Variants in ZNF106 observed in about 807,000 individuals in gnomAD.
The protein encoded by ZNF106 is SH3-domain binding protein 3.
In ZNF106, 67 loss-of-function variants were observed where a neutral mutation model predicts 195.1. That is an observed-to-expected ratio of 0.34 (90% CI 0.28 to 0.42). The LOEUF (loss-of-function observed/expected upper bound fraction) is 0.42, where lower values mean the gene tolerates loss of function less well. ZNF106 is among the 10% of genes least tolerant of loss of function. ZNF106 has a pLI of 1.00. For missense variants in ZNF106, 2,118 were observed against 2,304.5 expected, an observed-to-expected ratio of 0.92 and a Z score of 1.66; for synonymous variants, 784 against 818.6, an observed-to-expected ratio of 0.96 and a Z score of 0.72.
In ZNF106 at chr15:42,472,229, T is replaced by A; in HGVS notation, c.54+7A>T. 1 of 1,534,770 alleles carries A rather than the reference T, an allele frequency of 6.5e-7. No homozygotes were observed. The highest frequency in any genetic ancestry group is 1.2e-5 in the South Asian group (1 of 83,710). ...AAAGCCTCAGATTCTCCCTCTTCCA[T>A]TATTACCTTTTTTGAGCTGTACACG... On this transcript the variant is annotated splice_region_variant and intron_variant, in intron 2 of 21. Coordinates refer to ENST00000564754, the MANE Select transcript of ZNF106 (RefSeq NM_001366845.3).
At chr15:42,428,339 A>T (rs1252305963) in intron 14 of ZNF106, among the ~76,000 whole-genome samples, 1 of 152,230 alleles carries the variant, frequency 6.6e-6, no homozygotes. Flanking sequence ...TATGAAAAAT[A>T]AACATAAATT....
At chr15:42,454,740 A>T (rs555900618) in intron 4 of ZNF106, among the ~76,000 whole-genome samples, 28 of 151,876 alleles carry the variant, frequency 1.8e-4, no homozygotes, top group Middle Eastern at 3.4e-3. Context: ...AAATAAAAAA[A>T]AAAAAATTAG....
intron 1 of ZNF106, among the ~76,000 whole-genome samples, chr15:42,479,362 G>A (rs954755115): frequency 6.6e-6 from 1 of 151,628 alleles, no homozygotes; most frequent in Non-Finnish European, 1.5e-5. Flanking sequence ...CTACAAGATC[G>A]AAACTGTCTC....
chr15:42,452,294 G>A (rs936065568), intron 4 of ZNF106, among the ~76,000 whole-genome samples: 22 of 151,874 alleles, frequency 1.4e-4, no homozygotes, highest in African/African-American at 4.8e-4. Context: ...AGGCCGAGGC[G>A]GGCAGTTCAC....
intron 14 of ZNF106, among the ~76,000 whole-genome samples, chr15:42,430,664 C>T (rs1057046399): frequency 2.0e-5 from 3 of 152,080 alleles, no homozygotes; most frequent in African/African-American, 7.3e-5. Context: ...AGATTATAGG[C>T]ATGAACCACT....
At chr15:42,426,730 C>G (rs555910123) in intron 15 of ZNF106, among the ~76,000 whole-genome samples, 60 of 152,136 alleles carry the variant, frequency 3.9e-4, no homozygotes, top group African/African-American at 1.4e-3. Context: ...GATAATCTCA[C>G]GAAAGAGAAG....
At chr15:42,431,602 G>A (rs1051869341) in intron 14 of ZNF106, among the ~76,000 whole-genome samples, 13 of 151,630 alleles carry the variant, frequency 8.6e-5, no homozygotes, top group South Asian at 2.1e-4. Context: ...TTTTTGAGAC[G>A]GAGTTTACTT....
chr15:42,477,470 T>A lies in ZNF106; in HGVS notation c.-32-5149A>T, dbSNP rs145485543. 3.3e-5 allele frequency among the ~76,000 whole-genome samples: 5 copies of A among 152,344 alleles called. No homozygotes were observed. The East Asian group carries it at 9.6e-4, about 29-fold the overall frequency. The stretch of plus-strand genomic sequence containing the variant: ...CTCTAGTTTCCCATATTAACATCTT[T>A]CATTTGGCCACGTCAGTAGCTCACG... On this transcript the variant is annotated intron_variant, in intron 1 of 21. Coordinates refer to ENST00000564754, the MANE Select transcript of ZNF106 (RefSeq NM_001366845.3).
chr15:42,428,577 C>T (rs1360558867), intron 14 of ZNF106, among the ~76,000 whole-genome samples: 1 of 152,272 alleles, frequency 6.6e-6, no homozygotes, highest in East Asian at 1.9e-4. Flanking sequence ...CAAATGTCTC[C>T]TTCAAACTGG....
chr15:42,429,462 G>T lies in ZNF106; in HGVS notation c.4882-1328C>A, dbSNP rs570525699. 6.6e-4 allele frequency among the ~76,000 whole-genome samples: 100 copies of T among 151,634 alleles called. 2 individuals carry two copies. In the South Asian group the frequency reaches 0.02, roughly 30 times the overall value. ...TCAATTAAAAAAAAAAAAATTTGTT[G>T]TTGAATGATACTGAAGACCCAGGTG... is the stretch of plus-strand genomic sequence containing the variant. On this transcript the variant is annotated intron_variant, in intron 14 of 21. Coordinates refer to ENST00000564754, the MANE Select transcript of ZNF106 (RefSeq NM_001366845.3).
Position 42,451,641 on chromosome 15 carries a change from T to G in ZNF106, c.631A>C (p.Asn211His). 1.2e-6 allele frequency: 2 copies of G among 1,614,166 alleles called. No homozygotes were observed. Among genetic ancestry groups the G allele is most frequent in the Non-Finnish European group, 1.7e-6 (2 of 1,180,036 alleles). Residue 211 changes from asparagine (N) to histidine (H), a missense_variant, in exon 5 of 22, where the codon AAT becomes CAT. Transcript: ENST00000564754. Reference sequence around the variant, plus strand: ...TGATTCCAATCTACTGCTCCACTATTTGAAAGCCAACCACCTCCAGAATTA... The same window carrying G: ...TGATTCCAATCTACTGCTCCACTATGTGAAAGCCAACCACCTCCAGAATTA... ...HSNSGGGWLS[N>H]SGAVDWNHNG...
intron 14 of ZNF106, among the ~76,000 whole-genome samples, chr15:42,434,029 T>A (rs989745691): frequency 6.6e-6 from 1 of 152,134 alleles, no homozygotes; most frequent in Non-Finnish European, 1.5e-5. Flanking sequence ...TTATTTTTTA[T>A]AGAGACAGGG....
intron 18 of ZNF106, among the ~76,000 whole-genome samples, 177 bp downstream of exon 18, chr15:42,422,324 T>C (rs972323108): frequency 2.0e-5 from 3 of 151,886 alleles, no homozygotes; most frequent in African/African-American, 4.8e-5. Context: ...TCAAGTATCT[T>C]AGAGTGGTTT....
rs1322441388 is a variant in ZNF106, at chr15:42,452,681, C to CTT, written c.318-729_318-728dup. ...AAGTATATTTTATAGCTATAGTTAT[C>CTT]TTTTTTTTTTTTTTTTTTTTTTGAG... On this transcript the variant is annotated intron_variant, in intron 4 of 21. Coordinates refer to ENST00000564754, the MANE Select transcript of ZNF106 (RefSeq NM_001366845.3). 7.6e-3 allele frequency among the ~76,000 whole-genome samples: 769 copies of CTT among 101,854 alleles called. 11 individuals are homozygous for CTT. The highest frequency in any genetic ancestry group is 0.011 in the Middle Eastern group (2 of 186). 66.8% of individuals were successfully genotyped at this position (101,854 alleles called of 152,430 possible). A position where few individuals can be genotyped will look rare whatever the true frequency, so the allele number is the denominator to read the frequency against.
At chr15:42,441,196 A>T in intron 10 of ZNF106, among the ~76,000 whole-genome samples, 1 of 142,674 alleles carries the variant, frequency 7.0e-6, no homozygotes, top group East Asian at 2.0e-4. Flanking sequence ...AAAAAAAATT[A>T]GCCGGGCATG....
At chr15:42,461,745 T>C (rs1241308798) in intron 3 of ZNF106, among the ~76,000 whole-genome samples, 2 of 152,072 alleles carry the variant, frequency 1.3e-5, no homozygotes, top group Admixed American at 1.3e-4. Flanking sequence ...GACACAACTA[T>C]AAAGAGAAAA....
At chr15:42,434,698 G>A (rs28726153) in intron 14 of ZNF106, among the ~76,000 whole-genome samples, 25,686 of 151,306 alleles carry the variant, frequency 0.17, 2,641 homozygotes, top group African/African-American at 0.29. Flanking sequence ...AGTGCATTTA[G>A]GTTTAAAAAA....
Position 42,415,887 on chromosome 15 carries a change from A to G in ZNF106, c.*1417T>C, listed in dbSNP as rs1190527085. 2 of 153,276 alleles carry G rather than the reference A, an allele frequency of 1.3e-5. No homozygotes were observed. Among genetic ancestry groups the G allele is most frequent in the Non-Finnish European group, 2.9e-5 (2 of 68,950 alleles). The allele number at this position is 153,276 out of a possible 1,614,324, so 9.5% of individuals were successfully genotyped here. ...TGAGCAGCTGGGATTACAGGCGCCC[A>G]CCACGCCCGGCTTTTTGTATTTTTA... On this transcript the variant is annotated 3_prime_UTR_variant, in exon 22 of 22. Coordinates refer to ENST00000564754, the MANE Select transcript of ZNF106 (RefSeq NM_001366845.3).
intron 1 of ZNF106, among the ~76,000 whole-genome samples, chr15:42,476,732 G>A (rs1460871455): frequency 6.6e-6 from 1 of 152,102 alleles, no homozygotes; most frequent in Non-Finnish European, 1.5e-5. Flanking sequence ...GGAAGCAGCG[G>A]AGGGGTTGGT....
Sources: allele counts gnomAD v4.1 joint callset (sites outside exome capture counted in the v4.1 genomes callset), GRCh38; gene constraint gnomAD v4.1.1; transcripts MANE v1.5; gene names NCBI Gene and HGNC (gene_info 2026-07-23, HGNC 2026-07-21).